The following CCDC187 variants were observed in gnomAD, a reference collection of about 807,000 sequenced individuals.
The protein encoded by CCDC187 is coiled-coil domain-containing protein 187.
Under a neutral mutation model 38.0 loss-of-function variants are expected in CCDC187, and 32 were observed. The ratio of observed to expected loss-of-function variants is 0.84; its 90% CI spans 0.64 to 1.13. CCDC187 has a LOEUF of 1.13. Among genes scored for constraint, CCDC187 ranks in the 50% most tolerant of loss-of-function variants. CCDC187 has a pLI of 0.00. For synonymous variants in CCDC187, 333 were observed against 347.9 expected (o/e 0.96, Z 0.48); for missense variants, 707 against 786.8 (o/e 0.90, Z 1.21).
chr9:136,270,718 C>T (rs578200205), intron 14 of CCDC187, among the ~76,000 whole-genome samples: 71 of 152,272 alleles, frequency 4.7e-4, no homozygotes, highest in Non-Finnish European at 8.4e-4. Flanking sequence ...AGGAGACTCC[C>T]TTTCATGGTC....
At position 136,259,304 on chromosome 9, in the gene CCDC187, G is replaced by A. The variant is rs1397383477; in HGVS notation, c.4296+59C>T. The A allele has an allele frequency of 1.5e-5, 11 of 711,030 alleles. No homozygotes were observed. The African/African-American group carries it at 2.0e-4, about 13-fold the overall frequency. 44.0% of individuals were successfully genotyped at this position (711,030 alleles called of 1,614,324 possible). On this transcript the variant is annotated intron_variant, in intron 21 of 25. Coordinates refer to ENST00000638797, the MANE Select transcript of CCDC187 (RefSeq NM_001378188.1). ...AGTCACAGATTGGCAGAATGTTGGG[G>A]GGGGGTGGTCCCTGAAACAGGCGGT...
At chr9:136,281,413 T>C in intron 10 of CCDC187, 138 bp downstream of exon 10, 1 of 398,412 alleles carries the variant, frequency 2.5e-6, no homozygotes. Flanking sequence ...TAACGAGGCG[T>C]GGATGCTCTC....
intron 7 of CCDC187, among the ~76,000 whole-genome samples, chr9:136,287,287 T>C (rs1042688637): frequency 3.9e-5 from 6 of 152,220 alleles, no homozygotes; most frequent in Non-Finnish European, 8.8e-5. Context: ...CTCACGTTCA[T>C]GGTTTCTTTT....
intron 14 of CCDC187, among the ~76,000 whole-genome samples, chr9:136,271,378 G>A (rs1554762368): frequency 2.0e-5 from 3 of 151,844 alleles, no homozygotes; most frequent in African/African-American, 4.8e-5. Context: ...AAAATTAGCC[G>A]GGTGTGGTGG....
chr9:136,258,548 G>C lies in CCDC187; in HGVS notation c.4366+384C>G, dbSNP rs1044188137. ...ATTGGGGACTTGGCTCTCGGGGGGG[G>C]CCCCGGCCAAGTGTAAGGTTCAGAA... is the stretch of plus-strand genomic sequence containing the variant. On this transcript the variant is annotated intron_variant, in intron 22 of 25. Coordinates refer to ENST00000638797, the MANE Select transcript of CCDC187 (RefSeq NM_001378188.1). The surrounding 1 kb of genome is among the most constrained non-coding windows in gnomAD (Gnocchi z 4.3). 3.9e-5 allele frequency among the ~76,000 whole-genome samples: 6 copies of C among 152,214 alleles called. No individual in the cohort carries two copies. Among genetic ancestry groups the C allele is most frequent in the Non-Finnish European group, 8.8e-5 (6 of 68,036 alleles).
chr9:136,262,467 A>T lies in CCDC187; in HGVS notation c.3913-5T>A. ...CTTGACTTTGGGGCTGGAACCCTGT[A>T]AGAAATGGTGCAGGAGAGCCTGGCA... On this transcript the variant is annotated splice_polypyrimidine_tract_variant and splice_region_variant and intron_variant, in intron 18 of 25. Coordinates refer to ENST00000638797, the MANE Select transcript of CCDC187 (RefSeq NM_001378188.1). The T allele has an allele frequency of 1.0e-6, 1 of 986,002 alleles. No individual in the cohort carries two copies. The highest frequency in any genetic ancestry group is 1.2e-6 in the Non-Finnish European group (1 of 830,360). The allele number at this position is 986,002 out of a possible 1,614,324, so 61.1% of individuals were successfully genotyped here. A position where few individuals can be genotyped will look rare whatever the true frequency, so the allele number is the denominator to read the frequency against.
intron 7 of CCDC187, among the ~76,000 whole-genome samples, chr9:136,287,842 G>C (rs1039299857): frequency 2.6e-5 from 4 of 152,196 alleles, no homozygotes; most frequent in Non-Finnish European, 5.9e-5. Context: ...TGGGGACAGA[G>C]TGTCAGTTTG....
At chr9:136,267,595 G>T (rs1331805278) in intron 15 of CCDC187, 84 bp from the exon 16 acceptor site, 1 of 985,458 alleles carries the variant, frequency 1.0e-6, no homozygotes, top group Non-Finnish European at 1.2e-6. Context: ...GGTGGGCCGC[G>T]TCACCGCCTA....
Position 136,291,664 on chromosome 9 carries a change from C to A in CCDC187, c.968-19G>T. On this transcript the variant is annotated intron_variant, in intron 5 of 25. Transcript: ENST00000638797. Reference sequence around the variant, plus strand: ...CTGTCTCCTGCAAAGACAGGAGTGTCAGGGGTGAGGAGGGGAGCGGAGGGG... The same window carrying A: ...CTGTCTCCTGCAAAGACAGGAGTGTAAGGGGTGAGGAGGGGAGCGGAGGGG... 2.5e-6 allele frequency: 1 copy of A among 398,744 alleles called. No individual in the cohort carries two copies. The highest frequency in any genetic ancestry group is 1.3e-4 in the South Asian group (1 of 7,840). 24.7% of individuals were successfully genotyped at this position (398,744 alleles called of 1,614,324 possible). A position where few individuals can be genotyped will look rare whatever the true frequency, so the allele number is the denominator to read the frequency against.
chr9:136,293,297 A>AGGC (rs1831398371), intron 4 of CCDC187, among the ~76,000 whole-genome samples: 2 of 148,608 alleles, frequency 1.3e-5, no homozygotes, highest in East Asian at 2.0e-4. Flanking sequence ...ACACACTCAC[A>AGGC]AACACATGTT....
Position 136,254,247 on chromosome 9 carries a change from C to A in CCDC187, c.5581G>T (p.Glu1861Ter). 2 of 985,406 alleles carry A rather than the reference C, an allele frequency of 2.0e-6. No homozygotes were observed. Among genetic ancestry groups the A allele is most frequent in the Non-Finnish European group, 2.4e-6 (2 of 829,960 alleles). The allele number at this position is 985,406 out of a possible 1,614,324, so 61.0% of individuals were successfully genotyped here. ...GCCTCAGGGGGTGCCTGGAGGGCTT[C>A]TCCTGTGTCTGACACCCCCATCAGG... Reference protein sequence around the residue: ...ESLMGVSDTGEALQAPPEAAG... With the variant: ...ESLMGVSDTG The change falls in exon 26 of 26, where the codon GAA (glutamate) becomes TAA (stop). Residue 1861 changes from glutamate to a stop codon, truncating the protein, a stop_gained. Transcript: ENST00000638797. LOFTEE classifies it low-confidence loss of function (END_TRUNC).
At chr9:136,285,926 A>T (rs1284009882) in intron 8 of CCDC187, among the ~76,000 whole-genome samples, 159 bp downstream of exon 8, 1 of 152,216 alleles carries the variant, frequency 6.6e-6, no homozygotes, top group Non-Finnish European at 1.5e-5. Flanking sequence ...GGGAAAGCCC[A>T]CGTACACTAT....
At chr9:136,280,345 G>T (rs1831014241) in intron 10 of CCDC187, among the ~76,000 whole-genome samples, 1 of 152,238 alleles carries the variant, frequency 6.6e-6, no homozygotes, top group South Asian at 2.1e-4. Context: ...GAAGGAAGGG[G>T]CAGGTGCATA....
chr9:136,254,136 C>T lies in CCDC187; in HGVS notation c.5692G>A (p.Glu1898Lys). 1 of 985,506 alleles carries T rather than the reference C, an allele frequency of 1.0e-6. No homozygotes were observed. Among genetic ancestry groups the T allele is most frequent in the Non-Finnish European group, 1.2e-6 (1 of 829,962 alleles). 61.0% of individuals were successfully genotyped at this position (985,506 alleles called of 1,614,324 possible). A position where few individuals can be genotyped will look rare whatever the true frequency, so the allele number is the denominator to read the frequency against. Reference protein sequence around the residue: ...LVFPSWTSLSEGADFGKGGET... With the variant: ...LVFPSWTSLSKGADFGKGGET... Reference sequence around the variant, plus strand: ...CCTCCTTTGCCGAAATCTGCCCCTTCACTCAAAGAGGTCCACGAAGGAAAG... The same window carrying T: ...CCTCCTTTGCCGAAATCTGCCCCTTTACTCAAAGAGGTCCACGAAGGAAAG... Residue 1898 changes from glutamate (E) to lysine (K), a missense_variant, in exon 26 of 26, where the codon GAA becomes AAA. Transcript: ENST00000638797.
chr9:136,301,640 G>GA (rs1425153549), intron 2 of CCDC187, among the ~76,000 whole-genome samples: 1 of 142,846 alleles, frequency 7.0e-6, no homozygotes, highest in Non-Finnish European at 1.5e-5. Flanking sequence ...AGGCTGGAGT[G>GA]CAGTGGCGCA....
rs1167460998 is a variant in CCDC187, at chr9:136,251,063, T to C, written c.*2531A>G. The C allele has an allele frequency of 4.4e-6, 2 of 455,668 alleles. No individual in the cohort carries two copies. Among genetic ancestry groups the C allele is most frequent in the Admixed American group, 4.7e-5 (2 of 42,576 alleles). The allele number at this position is 455,668 out of a possible 1,614,324, so 28.2% of individuals were successfully genotyped here. The stretch of plus-strand genomic sequence containing the variant: ...TGCATGCATAAAGTCTGGAGTATGC[T>C]CCTCTCTGAAGTGGAGGAGGCCTGA... On this transcript the variant is annotated 3_prime_UTR_variant, in exon 26 of 26. Transcript: ENST00000638797.
chr9:136,298,073 C>T (rs1831579848), intron 3 of CCDC187, among the ~76,000 whole-genome samples: 1 of 152,218 alleles, frequency 6.6e-6, no homozygotes, highest in Non-Finnish European at 1.5e-5. Context: ...CTTAGAGAGG[C>T]AGGCATACCT....
At chr9:136,270,801 C>T (rs920385148) in intron 14 of CCDC187, among the ~76,000 whole-genome samples, 24 of 152,320 alleles carry the variant, frequency 1.6e-4, no homozygotes, top group Admixed American at 2.6e-4. Context: ...GGCCCTTATG[C>T]GGGTGTGACA....
chr9:136,304,389 C>G (rs992905336), upstream of CCDC187, among the ~76,000 whole-genome samples: 2 of 152,150 alleles, frequency 1.3e-5, no homozygotes, highest in Non-Finnish European at 2.9e-5. Flanking sequence ...GGGGCCCAGC[C>G]CAGACATCCC....
Sources: allele counts gnomAD v4.1 joint callset (sites outside exome capture counted in the v4.1 genomes callset), GRCh38; gene constraint gnomAD v4.1.1; non-coding constraint Gnocchi (gnomAD v3.1); transcripts MANE v1.5; gene names NCBI Gene and HGNC (gene_info 2026-07-23, HGNC 2026-07-21).